ADAM10: variants seen among roughly 807,000 people sequenced by gnomAD.
The protein encoded by ADAM10 is ADAM metallopeptidase domain 10.
In ADAM10, 17 loss-of-function variants were observed where a neutral mutation model predicts 90.1. That is an observed-to-expected ratio of 0.19 (90% CI 0.13 to 0.28). The LOEUF is 0.28. ADAM10 is among the 10% of genes least tolerant of loss of function. The pLI, the probability that ADAM10 is intolerant of heterozygous loss-of-function variation, is 1.00. For synonymous variants in ADAM10, 310 were observed against 298.6 expected (o/e 1.04, Z -0.40); for missense variants, 610 against 914.3 (o/e 0.67, Z 4.29).
intron 1 of ADAM10, among the ~76,000 whole-genome samples, chr15:58,734,992 A>G (rs1899381385): frequency 6.6e-6 from 1 of 152,172 alleles, no homozygotes; most frequent in African/African-American, 2.4e-5. Context: ...GCCTGTTCCC[A>G]CATGCAGAGA....
At chr15:58,696,986 T>C (rs571351460) in intron 2 of ADAM10, among the ~76,000 whole-genome samples, 1 of 152,232 alleles carries the variant, frequency 6.6e-6, no homozygotes, top group African/African-American at 2.4e-5. Flanking sequence ...CATCCCCACC[T>C]ACAGCCACTG....
intron 9 of ADAM10, among the ~76,000 whole-genome samples, chr15:58,632,821 AT>A (rs1273184386): frequency 2.6e-5 from 4 of 152,068 alleles, no homozygotes; most frequent in Admixed American, 2.6e-4. Context: ...CAAAAAAAGA[AT>A]TTCTCACAAT....
At chr15:58,693,131 G>C in intron 2 of ADAM10, 1 of 737,722 alleles carries the variant, frequency 1.4e-6, no homozygotes. Context: ...GACATGAGTT[G>C]GGCAATTTCT....
chr15:58,718,127 T>C (rs1898725983), intron 1 of ADAM10, among the ~76,000 whole-genome samples: 1 of 151,604 alleles, frequency 6.6e-6, no homozygotes, highest in Non-Finnish European at 1.5e-5. Flanking sequence ...CAAGACTTCA[T>C]CCCTAATAAA....
At chr15:58,647,247 TA>T (rs1896571321) in intron 5 of ADAM10, among the ~76,000 whole-genome samples, 3 of 84,818 alleles carry the variant, frequency 3.5e-5, no homozygotes, top group African/African-American at 1.9e-4. Flanking sequence ...AGACACTAAG[TA>T]TTTTTTTTTT....
intron 2 of ADAM10, 63 bp downstream of exon 2, chr15:58,717,514 T>G (rs1339467209): frequency 6.2e-7 from 1 of 1,600,222 alleles, no homozygotes; most frequent in Non-Finnish European, 8.5e-7. Flanking sequence ...GATATAAATC[T>G]CCTCTTTAAC....
At chr15:58,721,166 A>T (rs1325031608) in intron 1 of ADAM10, among the ~76,000 whole-genome samples, 1 of 152,224 alleles carries the variant, frequency 6.6e-6, no homozygotes, top group Non-Finnish European at 1.5e-5. Flanking sequence ...TTATTAAACA[A>T]AGTCATCTTT....
Position 58,610,977 on chromosome 15 carries a change from CTT to C in ADAM10, c.1804+20_1804+21del, listed in dbSNP as rs763969980. Reference sequence around the variant, plus strand: ...AATAGTTTGAGGCAAATTTTATACTCTTGTGTTTTTAAAAGCCTTACTTTTCT... The same window carrying C: ...AATAGTTTGAGGCAAATTTTATACTCGTGTTTTTAAAAGCCTTACTTTTCT... On this transcript the variant is annotated intron_variant, in intron 13 of 15. Coordinates refer to ENST00000260408, the MANE Select transcript of ADAM10 (RefSeq NM_001110.4). 1.3e-6 allele frequency: 2 copies of C among 1,568,422 alleles called. No individual in the cohort carries two copies. The highest frequency in any genetic ancestry group is 2.2e-5 in the South Asian group (2 of 90,142).
intron 1 of ADAM10, among the ~76,000 whole-genome samples, chr15:58,726,320 AT>A (rs1264767608): frequency 6.6e-6 from 1 of 152,040 alleles, no homozygotes; most frequent in Non-Finnish European, 1.5e-5. Flanking sequence ...AAAAGTTTAT[AT>A]TGAGAGGCCA....
intron 1 of ADAM10, among the ~76,000 whole-genome samples, chr15:58,744,256 G>C (rs559956493): frequency 6.6e-6 from 1 of 151,920 alleles, no homozygotes; most frequent in Non-Finnish European, 1.5e-5. Context: ...GGGTAGGGGT[G>C]GGGGGCAGGG....
rs149772413 is a variant in ADAM10, at chr15:58,608,458, G to T, written c.2025+1839C>A. ...AAGACCAGATGTTTATTATCTTACTGCTTGATGTGGTTAATGCCCACAAAT... is the reference window on the plus strand; with the variant it reads ...AAGACCAGATGTTTATTATCTTACTTCTTGATGTGGTTAATGCCCACAAAT... On this transcript the variant is annotated intron_variant, in intron 14 of 15. Coordinates refer to ENST00000260408, the MANE Select transcript of ADAM10 (RefSeq NM_001110.4). Among the ~76,000 whole-genome samples the T allele has an allele frequency of 2.6e-3, 393 of 152,278 alleles. 2 individuals are homozygous for T. The highest frequency in any genetic ancestry group is 9.0e-3 in the African/African-American group (374 of 41,556).
intron 1 of ADAM10, among the ~76,000 whole-genome samples, chr15:58,725,179 G>C (rs1313112284): frequency 6.6e-6 from 1 of 151,988 alleles, no homozygotes; most frequent in Non-Finnish European, 1.5e-5. Context: ...AACAGAGCAA[G>C]ACCCTGTCTC....
At chr15:58,647,625 T>C (rs1403987528) in intron 5 of ADAM10, among the ~76,000 whole-genome samples, 1 of 152,128 alleles carries the variant, frequency 6.6e-6, no homozygotes, top group Non-Finnish European at 1.5e-5. Flanking sequence ...CACAGCTCAA[T>C]GCAGCCTTAA....
At chr15:58,717,500 T>G in intron 2 of ADAM10, 77 bp downstream of exon 2, 2 of 1,570,368 alleles carry the variant, frequency 1.3e-6, no homozygotes, top group Non-Finnish European at 1.7e-6. Flanking sequence ...GAAGGAAAAT[T>G]AAGGATATAA....
intron 15 of ADAM10, 49 bp from the exon 16 acceptor site, chr15:58,597,690 T>C (rs1278901382): frequency 6.2e-7 from 1 of 1,604,098 alleles, no homozygotes; most frequent in South Asian, 1.1e-5. Context: ...CATGAGCTTT[T>C]TAATCTTTAA....
intron 8 of ADAM10, among the ~76,000 whole-genome samples, chr15:58,637,258 G>T (rs1243471319): frequency 6.6e-6 from 1 of 152,162 alleles, no homozygotes; most frequent in Non-Finnish European, 1.5e-5. Flanking sequence ...TTCACAAATA[G>T]AGGAGTACTG....
rs77996302 is a variant in ADAM10 at position 58,725,831 on chromosome 15, C to A, written c.56-8104G>T. ...TTCTATAGCCAGTGAAAATAACTTT[C>A]ACAAATGAAGGTGAGAAGAGGAGGT... On this transcript the variant is annotated intron_variant, in intron 1 of 15. Coordinates refer to ENST00000260408, the MANE Select transcript of ADAM10 (RefSeq NM_001110.4). Among the ~76,000 whole-genome samples, 53 of 152,164 alleles carry A rather than the reference C, an allele frequency of 3.5e-4. 1 individual carries two copies. The East Asian group carries it at 7.5e-3, about 22-fold the overall frequency.
At chr15:58,696,545 A>G (rs1273478454) in intron 2 of ADAM10, among the ~76,000 whole-genome samples, 1 of 147,882 alleles carries the variant, frequency 6.8e-6, no homozygotes, top group African/African-American at 2.5e-5. Flanking sequence ...GGCTCACCGC[A>G]ACCTCCGCCT....
intron 11 of ADAM10, among the ~76,000 whole-genome samples, chr15:58,619,888 T>A (rs1895729581): frequency 1.3e-5 from 2 of 149,148 alleles, no homozygotes; most frequent in South Asian, 4.3e-4. Flanking sequence ...TGGGCGACAG[T>A]GCAAGACTCC....
Sources: gnomAD v4.1 joint callset for allele counts (sites outside exome capture counted in the v4.1 genomes callset) on GRCh38, gnomAD v4.1.1 for gene constraint, MANE v1.5 for transcripts, NCBI Gene and HGNC (gene_info 2026-07-23, HGNC 2026-07-21) for gene names.